The following RIMS2 variants were observed in gnomAD, a reference collection of about 807,000 sequenced individuals.
RIMS2 encodes the protein regulating synaptic membrane exocytosis 2, also known as regulating synaptic membrane exocytosis protein 2.
Under a neutral mutation model 174.4 loss-of-function variants are expected in RIMS2, and 59 were observed. The ratio of observed to expected loss-of-function variants is 0.34; its 90% CI spans 0.27 to 0.42. The LOEUF (loss-of-function observed/expected upper bound fraction) is 0.42. Among genes scored for constraint, RIMS2 ranks in the 10% least tolerant of loss-of-function variants. The pLI is 1.00. For missense variants in RIMS2, 1,620 were observed against 1,666.3 expected (o/e 0.97, Z 0.48); for synonymous variants, 606 against 572.5 (o/e 1.06, Z -0.84).
At chr8:103,775,568 T>C (rs1314666007) in intron 3 of RIMS2, among the ~76,000 whole-genome samples, 4 of 152,124 alleles carry the variant, frequency 2.6e-5, no homozygotes, top group African/African-American at 9.6e-5. Context: ...TTGGTGCATA[T>C]GATGAATGAG....
chr8:103,726,279 T>C (rs190325656), intron 2 of RIMS2, among the ~76,000 whole-genome samples: 1 of 152,334 alleles, frequency 6.6e-6, no homozygotes, highest in East Asian at 1.9e-4. Context: ...GTATCCCCAT[T>C]GTAAGTCAAG....
intron 1 of RIMS2, among the ~76,000 whole-genome samples, chr8:103,555,122 AG>A (rs1474824378): frequency 1.3e-5 from 2 of 152,160 alleles, no homozygotes; most frequent in Admixed American, 1.3e-4. Context: ...TGTACACAAA[AG>A]CCCCAAGAAA....
At chr8:103,762,047 G>C (rs906082730) in intron 2 of RIMS2, among the ~76,000 whole-genome samples, 1 of 139,532 alleles carries the variant, frequency 7.2e-6, no homozygotes, top group Non-Finnish European at 1.5e-5. Flanking sequence ...CTTTCTTTTA[G>C]TATTCACTGC....
intron 19 of RIMS2, among the ~76,000 whole-genome samples, chr8:104,224,775 T>G (rs149419678): frequency 6.6e-6 from 1 of 152,292 alleles, no homozygotes; most frequent in East Asian, 1.9e-4. Context: ...ATTTTTTTTC[T>G]GCTTTTTTTC....
intron 16 of RIMS2, among the ~76,000 whole-genome samples, chr8:103,984,384 A>G (rs940283619): frequency 6.6e-6 from 1 of 152,218 alleles, no homozygotes; most frequent in Non-Finnish European, 1.5e-5. Flanking sequence ...CAGTTAAAAA[A>G]TAGGTAAAAG....
chr8:103,990,139 G>C (rs2094590969), intron 17 of RIMS2, among the ~76,000 whole-genome samples: 1 of 152,038 alleles, frequency 6.6e-6, no homozygotes, highest in Admixed American at 6.6e-5. Flanking sequence ...ACTATTCAAA[G>C]ATATGATAAA....
intron 19 of RIMS2, among the ~76,000 whole-genome samples, chr8:104,120,455 C>A (rs1021268692): frequency 6.6e-5 from 10 of 152,032 alleles, no homozygotes; most frequent in Non-Finnish European, 1.2e-4. Context: ...AGGTGTATTT[C>A]TAGACTGTGA....
At chr8:103,909,141 G>A (rs1302279817) in intron 4 of RIMS2, among the ~76,000 whole-genome samples, 1 of 151,984 alleles carries the variant, frequency 6.6e-6, no homozygotes, top group Non-Finnish European at 1.5e-5. Context: ...TGACACTGAT[G>A]ATCTGTTTCT....
At chr8:103,804,771 G>C (rs2098638913) in intron 3 of RIMS2, among the ~76,000 whole-genome samples, 1 of 151,954 alleles carries the variant, frequency 6.6e-6, no homozygotes, top group East Asian at 1.9e-4. Flanking sequence ...TTAAACTGTA[G>C]TTTTTCACTT....
chr8:104,230,721 G>A (rs752799400), intron 19 of RIMS2, among the ~76,000 whole-genome samples: 2 of 152,130 alleles, frequency 1.3e-5, no homozygotes, highest in African/African-American at 4.8e-5. Flanking sequence ...CACAGGCCAG[G>A]AAAGAAACAT....
intron 19 of RIMS2, among the ~76,000 whole-genome samples, chr8:104,085,825 G>A (rs1055781229): frequency 6.6e-6 from 1 of 152,082 alleles, no homozygotes; most frequent in African/African-American, 2.4e-5. Context: ...TACAAGGAGA[G>A]CTGGTTTAGG....
intron 19 of RIMS2, chr8:104,148,648 C>T: frequency 6.3e-7 from 1 of 1,598,026 alleles, no homozygotes; most frequent in Non-Finnish European, 8.5e-7. Flanking sequence ...ATGGGCATAT[C>T]AGGGAAGAAC....
At chr8:103,761,312 G>C (rs1357407913) in intron 2 of RIMS2, among the ~76,000 whole-genome samples, 2 of 152,206 alleles carry the variant, frequency 1.3e-5, no homozygotes, top group African/African-American at 4.8e-5. Flanking sequence ...CATTGAATAA[G>C]CATGTACTTT....
At chr8:103,965,197 T>G (rs774583239) in intron 15 of RIMS2, among the ~76,000 whole-genome samples, 2 of 152,180 alleles carry the variant, frequency 1.3e-5, no homozygotes, top group African/African-American at 2.4e-5. Flanking sequence ...CAAATTGATA[T>G]GCTGAGAAGT....
intron 17 of RIMS2, among the ~76,000 whole-genome samples, chr8:104,002,621 A>G (rs2095431548): frequency 6.6e-6 from 1 of 152,142 alleles, no homozygotes; most frequent in Non-Finnish European, 1.5e-5. Context: ...CTAGGAATAA[A>G]ATATGTATTA....
chr8:103,592,924 T>A (rs10105750), intron 1 of RIMS2, among the ~76,000 whole-genome samples: 27,543 of 151,246 alleles, frequency 0.18, 2,754 homozygotes, highest in African/African-American at 0.26. Context: ...CTTCTACATA[T>A]TGGAGAATGA....
At chr8:104,064,423 T>A (rs2097065613) in intron 19 of RIMS2, among the ~76,000 whole-genome samples, 1 of 152,086 alleles carries the variant, frequency 6.6e-6, no homozygotes, top group African/African-American at 2.4e-5. Flanking sequence ...TTTTGTGCTC[T>A]GCCTTAAAAT....
intron 3 of RIMS2, among the ~76,000 whole-genome samples, chr8:103,770,979 A>T (rs1472387469): frequency 6.6e-6 from 1 of 152,230 alleles, no homozygotes; most frequent in African/African-American, 2.4e-5. Flanking sequence ...TGGACTTATA[A>T]CTATATTTGA....
At chr8:103,667,069 A>T (rs1267833089) in intron 1 of RIMS2, among the ~76,000 whole-genome samples, 1 of 152,202 alleles carries the variant, frequency 6.6e-6, no homozygotes, top group Non-Finnish European at 1.5e-5. Flanking sequence ...AGTATGCCTT[A>T]GCTGGGATCC....
Sources: allele counts gnomAD v4.1 joint callset (sites outside exome capture counted in the v4.1 genomes callset), GRCh38; gene constraint gnomAD v4.1.1; transcripts MANE v1.5; gene names NCBI Gene and HGNC (gene_info 2026-07-23, HGNC 2026-07-21).